AATK: variants seen among roughly 807,000 people sequenced by gnomAD.
AATK encodes lemur tail kinase 1, also known as serine/threonine-protein kinase LMTK1.
A neutral mutation model predicts 114.3 loss-of-function variants in AATK; 91 were observed. The observed-to-expected ratio is 0.80, with a 90% CI of 0.67 to 0.95. The LOEUF (loss-of-function observed/expected upper bound fraction) is 0.95. Ranked by LOEUF, AATK falls within the 40% of genes least tolerant of loss-of-function variation. The pLI, the probability that AATK is intolerant of heterozygous loss-of-function variation, is 0.00. For missense variants in AATK, 2,176 were observed against 1,965.2 expected (o/e 1.11, Z -2.03); for synonymous variants, 1,075 against 916.5 (o/e 1.17, Z -3.12).
chr17:81,158,938 G>A (rs1046738015), intron 1 of AATK, among the ~76,000 whole-genome samples: 1 of 152,140 alleles, frequency 6.6e-6, no homozygotes, highest in South Asian at 2.1e-4. Flanking sequence ...CCCTGGGGCC[G>A]CTATACACAC....
chr17:81,150,025 C>T (rs1036968479), intron 1 of AATK, among the ~76,000 whole-genome samples: 8 of 151,912 alleles, frequency 5.3e-5, no homozygotes, highest in Admixed American at 1.3e-4. Context: ...GTGCCTCTGG[C>T]GGGGACAGCA....
In AATK at chr17:81,130,993, G is replaced by C. The variant is rs1006915633; in HGVS notation, c.334+68C>G. ...AGAGCTGAGTCTTCCGGTCTCCCCA[G>C]ATCACACCCAACGCCCAGCACCTGG... On this transcript the variant is annotated intron_variant, in intron 3 of 13. Transcript: ENST00000326724. 7.9e-5 allele frequency: 119 copies of C among 1,514,196 alleles called. 1 individual carries two copies. The highest frequency in any genetic ancestry group is 4.0e-5 in the Admixed American group (2 of 49,572). 93.8% of individuals were successfully genotyped at this position (1,514,196 alleles called of 1,614,324 possible). A position where few individuals can be genotyped will look rare whatever the true frequency, so the allele number is the denominator to read the frequency against.
intron 1 of AATK, among the ~76,000 whole-genome samples, chr17:81,145,245 A>AAAAAGAAAAAG (rs1567822430): frequency 1.5e-5 from 2 of 132,546 alleles, no homozygotes; most frequent in Non-Finnish European, 3.1e-5. Flanking sequence ...AAAAAAAAAA[A>AAAAAGAAAAAG]AAAAAGAAAA....
intron 1 of AATK, among the ~76,000 whole-genome samples, chr17:81,143,867 G>A (rs972732039): frequency 8.5e-5 from 13 of 152,238 alleles, no homozygotes; most frequent in Non-Finnish European, 1.5e-5. Flanking sequence ...TGCATGCCCC[G>A]TGGGTGCGGG....
rs543420423 is a variant in AATK, at chr17:81,119,444, C to T, written c.4020G>A (p.Ser1340=). Residue 1340 remains serine (S), a synonymous_variant, in exon 13 of 14, where the codon TCG becomes TCA. Transcript: ENST00000326724. The part of the protein sequence containing the change: ...TPAPFSRFTV[S]PAPTSRFSIT... ...TGGAGAAGCGGGACGTGGGCGCGGG[C>T]GACACCGTGAAGCGCGAGAAGGGAG... 44 of 1,516,628 alleles carry T rather than the reference C, an allele frequency of 2.9e-5. No individual in the cohort carries two copies. In the East Asian group the frequency reaches 7.5e-4, roughly 26 times the overall value. 93.9% of individuals were successfully genotyped at this position (1,516,628 alleles called of 1,614,324 possible).
chr17:81,128,860 A>G (rs1461279073), intron 3 of AATK: 9 of 1,183,794 alleles, frequency 7.6e-6, no homozygotes, highest in Non-Finnish European at 8.5e-6. Context: ...GACCCGTCAC[A>G]TGGGCTGCAC....
intron 1 of AATK, among the ~76,000 whole-genome samples, chr17:81,138,011 C>T (rs141291307): frequency 0.014 from 2,173 of 150,622 alleles, 33 homozygotes; most frequent in Non-Finnish European, 0.022. Flanking sequence ...CACACGTACA[C>T]GCACCCACAT....
chr17:81,146,485 G>C (rs1254056887), intron 1 of AATK, among the ~76,000 whole-genome samples: 1 of 152,202 alleles, frequency 6.6e-6, no homozygotes, highest in African/African-American at 2.4e-5. Context: ...GGAGGCCGAG[G>C]TGGGTGGATC....
At chr17:81,137,932 A>ATG (rs1567817305) in intron 1 of AATK, among the ~76,000 whole-genome samples, 1 of 117,428 alleles carries the variant, frequency 8.5e-6, no homozygotes, top group Non-Finnish European at 1.9e-5. Flanking sequence ...ACACAGCCAC[A>ATG]CGCACACATC....
At chr17:81,155,933 C>T (rs887253001) in intron 1 of AATK, among the ~76,000 whole-genome samples, 3 of 152,098 alleles carry the variant, frequency 2.0e-5, no homozygotes, top group African/African-American at 4.8e-5. Context: ...CCTCTTGCCT[C>T]GGCCTCCCAA....
At chr17:81,140,838 GGCCGTGA>G (rs1332698224) in intron 1 of AATK, among the ~76,000 whole-genome samples, 7 of 136,704 alleles carry the variant, frequency 5.1e-5, no homozygotes, top group African/African-American at 2.2e-4. Context: ...GAGACCGTGG[GGCCGTGA>G]GCCGTGGGGC....
chr17:81,138,162 C>G (rs1302436590), intron 1 of AATK, among the ~76,000 whole-genome samples: 2 of 150,312 alleles, frequency 1.3e-5, no homozygotes, highest in East Asian at 3.9e-4. Context: ...CGCCCACATG[C>G]ACACACACAC....
Position 81,119,918 on chromosome 17 carries a change from A to C in AATK, c.3883+18T>G, listed in dbSNP as rs373411096. ...CTGCCTCCCGTGACGTCACGGGCCC[A>C]GCCCCGCCCCTGCTCACCCTCTTCC... On this transcript the variant is annotated intron_variant, in intron 12 of 13. Coordinates refer to ENST00000326724, the MANE Select transcript of AATK (RefSeq NM_001080395.3). 5.7e-5 allele frequency: 81 copies of C among 1,417,894 alleles called. No homozygotes were observed. The South Asian group carries it at 1.1e-3, about 19-fold the overall frequency. 87.8% of individuals were successfully genotyped at this position (1,417,894 alleles called of 1,614,324 possible).
rs2060690927 is a variant in AATK at position 81,120,897 on chromosome 17, C to T, written c.3039G>A (p.Lys1013=). ...AEAEATSGPE[K]KCGGDRAPGP... ...CGGGGGCTCGGTCCCCGCCGCACTTCTTCTCTGGGCCTGAGGTGGCCTCGG... is the reference window on the plus strand; with the variant it reads ...CGGGGGCTCGGTCCCCGCCGCACTTTTTCTCTGGGCCTGAGGTGGCCTCGG... Residue 1013 remains lysine (K), a synonymous_variant, in exon 11 of 14, where the codon AAG becomes AAA. Coordinates refer to ENST00000326724, the MANE Select transcript of AATK (RefSeq NM_001080395.3). The T allele has an allele frequency of 1.3e-6, 2 of 1,592,122 alleles. No individual in the cohort carries two copies. The highest frequency in any genetic ancestry group is 1.7e-4 in the Middle Eastern group (1 of 6,032).
intron 1 of AATK, among the ~76,000 whole-genome samples, chr17:81,136,620 C>T (rs1011954268): frequency 1.3e-5 from 2 of 152,230 alleles, no homozygotes; most frequent in African/African-American, 4.8e-5. Flanking sequence ...TCCCCCTCCC[C>T]TCTAGAAGGC....
At chr17:81,133,108 G>A in intron 2 of AATK, 1 of 402,004 alleles carries the variant, frequency 2.5e-6, no homozygotes. Context: ...CCCAGAGCAG[G>A]GTGGGGGCTC....
intron 1 of AATK, among the ~76,000 whole-genome samples, chr17:81,157,627 C>A (rs962316907): frequency 6.6e-6 from 1 of 152,234 alleles, no homozygotes; most frequent in Non-Finnish European, 1.5e-5. Flanking sequence ...GCTGGACACT[C>A]ACAAGGAATG....
intron 1 of AATK, among the ~76,000 whole-genome samples, chr17:81,134,911 T>C (rs1343053223): frequency 6.6e-6 from 1 of 152,182 alleles, no homozygotes; most frequent in Non-Finnish European, 1.5e-5. Context: ...CGGGAGACCA[T>C]GTTGCTGGCT....
rs547695632 is a variant in AATK at position 81,127,082 on chromosome 17, G to T, written c.621+501C>A. Reference sequence around the variant, plus strand: ...GGGGGCAGGTCTCGGGGGAGGGGGAGACGGGTCCCCGGGGCAGGGGGGCGT... The same window carrying T: ...GGGGGCAGGTCTCGGGGGAGGGGGATACGGGTCCCCGGGGCAGGGGGGCGT... On this transcript the variant is annotated intron_variant, in intron 6 of 13. Transcript: ENST00000326724. 6.1e-3 allele frequency among the ~76,000 whole-genome samples: 798 copies of T among 130,892 alleles called. 11 individuals carry two copies. The highest frequency in any genetic ancestry group is 0.047 in the South Asian group (156 of 3,348). The allele number at this position is 130,892 out of a possible 152,430, so 85.9% of individuals were successfully genotyped here. A position where few individuals can be genotyped will look rare whatever the true frequency, so the allele number is the denominator to read the frequency against.
Sources: gnomAD v4.1 joint callset for allele counts (sites outside exome capture counted in the v4.1 genomes callset) on GRCh38, gnomAD v4.1.1 for gene constraint, MANE v1.5 for transcripts, NCBI Gene and HGNC (gene_info 2026-07-23, HGNC 2026-07-21) for gene names.